SUGCT: variants seen among roughly 807,000 people sequenced by gnomAD.
The protein encoded by SUGCT is succinyl-CoA:glutarate CoA-transferase.
In SUGCT, 41 loss-of-function variants were observed where a neutral mutation model predicts 55.0. That is an observed-to-expected ratio of 0.74 (90% CI 0.58 to 0.97). The LOEUF (loss-of-function observed/expected upper bound fraction) is 0.97. Among genes scored for constraint, SUGCT ranks in the 50% least tolerant of loss-of-function variants. SUGCT has a pLI of 0.00. For missense variants in SUGCT, 568 were observed against 547.8 expected, an observed-to-expected ratio of 1.04 and a Z score of -0.37; for synonymous variants, 187 against 200.4, an observed-to-expected ratio of 0.93 and a Z score of 0.56.
intron 1 of SUGCT, among the ~76,000 whole-genome samples, chr7:40,149,884 A>G (rs944078294): frequency 1.3e-5 from 2 of 152,156 alleles, no homozygotes; most frequent in African/African-American, 2.4e-5. Context: ...GCGCCATCGC[A>G]CTCCAGCCTG....
chr7:40,728,380 A>G (rs1213795051), intron 12 of SUGCT, among the ~76,000 whole-genome samples: 1 of 152,090 alleles, frequency 6.6e-6, no homozygotes, highest in Non-Finnish European at 1.5e-5. Context: ...TTAGCCGGGC[A>G]TAGTGGTGGG....
chr7:40,871,665 TC>T, the SUGCT span, among the ~76,000 whole-genome samples: 1 of 151,254 alleles, frequency 6.6e-6, no homozygotes, highest in Non-Finnish European at 1.5e-5. Flanking sequence ...ACCTTTATAG[TC>T]CCCCCGCCCC....
At chr7:40,927,780 T>G in the SUGCT span, among the ~76,000 whole-genome samples, 1 of 152,240 alleles carries the variant, frequency 6.6e-6, no homozygotes, top group Non-Finnish European at 1.5e-5. Context: ...ATGTCTGTGT[T>G]TCCTGCATAT....
chr7:40,262,666 A>G (rs951671275), intron 7 of SUGCT, among the ~76,000 whole-genome samples: 2 of 151,946 alleles, frequency 1.3e-5, no homozygotes, highest in Admixed American at 6.6e-5. Flanking sequence ...CTCTCTCTCA[A>G]AAAAAAGAAC....
intron 9 of SUGCT, among the ~76,000 whole-genome samples, chr7:40,376,314 T>A (rs1416741455): frequency 3.9e-5 from 6 of 152,218 alleles, no homozygotes; most frequent in Admixed American, 3.9e-4. Context: ...ATTAGTTGCC[T>A]ACTTATTATT....
At chr7:40,936,228 G>GTTT in the SUGCT span, among the ~76,000 whole-genome samples, 17 of 149,728 alleles carry the variant, frequency 1.1e-4, no homozygotes, top group South Asian at 1.0e-3. Context: ...CTTGTGGGAT[G>GTTT]TTTATTATTA....
intron 1 of SUGCT, among the ~76,000 whole-genome samples, chr7:40,144,393 G>C (rs775671761): frequency 6.6e-6 from 1 of 152,152 alleles, no homozygotes; most frequent in African/African-American, 2.4e-5. Context: ...AGTTTGGTAG[G>C]GTTTTCCCCT....
At chr7:40,627,462 C>T (rs566177520) in intron 12 of SUGCT, among the ~76,000 whole-genome samples, 9 of 152,070 alleles carry the variant, frequency 5.9e-5, no homozygotes, top group African/African-American at 1.4e-4. Context: ...CACATTCCTA[C>T]GCAAACATCT....
chr7:40,989,331 T>C, the SUGCT span, among the ~76,000 whole-genome samples: 1 of 152,214 alleles, frequency 6.6e-6, no homozygotes, highest in African/African-American at 2.4e-5. Flanking sequence ...ATCAACTTAG[T>C]TTATGTACTA....
chr7:40,385,590 G>T (rs893113610), intron 9 of SUGCT, among the ~76,000 whole-genome samples: 4 of 152,142 alleles, frequency 2.6e-5, no homozygotes, highest in Non-Finnish European at 4.4e-5. Flanking sequence ...TGAATTCCTT[G>T]TGCTGCTTCT....
chr7:40,425,307 T>C (rs559708596), intron 9 of SUGCT, among the ~76,000 whole-genome samples: 4 of 152,084 alleles, frequency 2.6e-5, no homozygotes, highest in Non-Finnish European at 5.9e-5. Context: ...TTCCAGACCA[T>C]TTTCTTTATT....
the SUGCT span, among the ~76,000 whole-genome samples, chr7:41,020,046 A>G: frequency 2.0e-5 from 3 of 152,134 alleles, no homozygotes; most frequent in Admixed American, 2.0e-4. Flanking sequence ...CACTCATTTT[A>G]TCATTTTTCC....
intron 13 of SUGCT, among the ~76,000 whole-genome samples, chr7:40,780,613 G>A (rs535960513): frequency 5.9e-5 from 9 of 152,194 alleles, no homozygotes; most frequent in African/African-American, 2.2e-4. Context: ...ATTCTCCTTT[G>A]CTGACAGTAC....
chr7:40,493,508 C>T (rs1346414160), intron 11 of SUGCT, among the ~76,000 whole-genome samples: 1 of 152,152 alleles, frequency 6.6e-6, no homozygotes, highest in Non-Finnish European at 1.5e-5. Flanking sequence ...TTAACATCAG[C>T]TGTGCTTCAC....
intron 9 of SUGCT, among the ~76,000 whole-genome samples, chr7:40,326,602 C>G (rs1050546334): frequency 6.6e-6 from 1 of 152,064 alleles, no homozygotes; most frequent in African/African-American, 2.4e-5. Context: ...AGAACTTTTT[C>G]GGAAATTGTA....
intron 12 of SUGCT, among the ~76,000 whole-genome samples, chr7:40,607,928 C>T (rs374324871): frequency 6.6e-6 from 1 of 152,302 alleles, no homozygotes; most frequent in East Asian, 1.9e-4. Context: ...CTACCATAGC[C>T]CTGTCTATGG....
chr7:40,952,613 A>G, the SUGCT span, among the ~76,000 whole-genome samples: 3 of 152,156 alleles, frequency 2.0e-5, no homozygotes, highest in Admixed American at 6.5e-5. Flanking sequence ...TTCCATGTTT[A>G]GTGCTTCCTT....
chr7:40,227,912 C>T (rs1021460903), intron 6 of SUGCT, among the ~76,000 whole-genome samples: 3 of 151,304 alleles, frequency 2.0e-5, no homozygotes, highest in Non-Finnish European at 3.0e-5. Context: ...GATGGAGTTT[C>T]GCTTTTGTTG....
intron 8 of SUGCT, among the ~76,000 whole-genome samples, chr7:40,302,270 C>G (rs1794582330): frequency 6.6e-6 from 1 of 152,036 alleles, no homozygotes; most frequent in African/African-American, 2.4e-5. Context: ...ATTCTTCCCA[C>G]CTGTTTTTTT....
Sources: allele counts gnomAD v4.1 joint callset (sites outside exome capture counted in the v4.1 genomes callset), GRCh38; gene constraint gnomAD v4.1.1; transcripts MANE v1.5; gene names NCBI Gene and HGNC (gene_info 2026-07-23, HGNC 2026-07-21).